Variants in HEG1 observed in about 807,000 individuals in gnomAD.
The protein encoded by HEG1 is heart development protein with EGF like domains 1.
HEG1 carries 56 observed loss-of-function variants against 125.6 expected under a neutral mutation model. The observed-to-expected ratio is 0.45, with a 90% CI of 0.36 to 0.56. HEG1 has a LOEUF of 0.56. HEG1 is among the 20% of genes least tolerant of loss of function. The pLI is 0.00. For missense variants in HEG1, 1,523 were observed against 1,670.0 expected (o/e 0.91, Z 1.53); for synonymous variants, 644 against 668.5 (o/e 0.96, Z 0.57).
chr3:125,030,651 G>A (rs1239860846), intron 1 of HEG1, among the ~76,000 whole-genome samples: 2 of 152,194 alleles, frequency 1.3e-5, no homozygotes, highest in African/African-American at 4.8e-5. Context: ...TATGCATGGA[G>A]GTAGGTAGCA....
rs1054887187 is a variant in HEG1, at chr3:125,013,043, T to G, written c.2536A>C (p.Ile846Leu). The G allele has an allele frequency of 1.2e-6, 2 of 1,613,862 alleles. No individual in the cohort carries two copies. The highest frequency in any genetic ancestry group is 1.3e-5 in the African/African-American group (1 of 74,912). ...ATAAGAGGCTGAGAGGTCTTCAGAA[T>G]GGTAGTTGTGAAAGTTGGAGACATT... Reference protein sequence around the residue: ...AQMSPTFTTTILKTSQPLMTT... With the variant: ...AQMSPTFTTTLLKTSQPLMTT... Residue 846 changes from isoleucine to leucine, a missense_variant, in exon 6 of 17, where the codon ATT becomes CTT. Physicochemically the swap from Ile to Leu is conservative, Grantham distance 5. Transcript: ENST00000311127.
At chr3:125,042,046 T>C (rs1023063344) in intron 1 of HEG1, among the ~76,000 whole-genome samples, 1 of 152,246 alleles carries the variant, frequency 6.6e-6, no homozygotes, top group Non-Finnish European at 1.5e-5. Context: ...AACATTGTGA[T>C]TGTACTCAAT....
At chr3:125,006,411 T>C (rs752339261) in intron 8 of HEG1, among the ~76,000 whole-genome samples, 4 of 152,166 alleles carry the variant, frequency 2.6e-5, no homozygotes, top group Non-Finnish European at 5.9e-5. Flanking sequence ...TCCTTTATAT[T>C]AAATGCTTAT....
At chr3:125,054,475 C>G (rs2107716746) in intron 1 of HEG1, among the ~76,000 whole-genome samples, 1 of 152,320 alleles carries the variant, frequency 6.6e-6, no homozygotes, top group Admixed American at 6.5e-5. Context: ...TTGGAGGAAG[C>G]AAGCTAATTC....
chr3:124,997,482 G>A (rs1936939047), intron 12 of HEG1, among the ~76,000 whole-genome samples: 1 of 152,178 alleles, frequency 6.6e-6, no homozygotes, highest in East Asian at 1.9e-4. Flanking sequence ...TAATTGGCCA[G>A]ACCAGCATGC....
At chr3:125,000,969 T>G (rs1193015624) in intron 11 of HEG1, among the ~76,000 whole-genome samples, 1 of 152,242 alleles carries the variant, frequency 6.6e-6, no homozygotes, top group East Asian at 1.9e-4. Context: ...AGATTCCAGT[T>G]GAGTTTTCCT....
Position 124,970,657 on chromosome 3 carries a change from A to T in HEG1, c.4141T>A (p.Phe1381Ile). 1 of 1,599,280 alleles carries T rather than the reference A, an allele frequency of 6.3e-7. No homozygotes were observed. The highest frequency in any genetic ancestry group is 8.5e-7 in the Non-Finnish European group (1 of 1,172,756). ...ISDESRRRDY[F>I] is the part of the protein sequence containing the mutation. ...AGTCCCTCTCTCTCCTGGACTTAAAAGTAGTCTCTTCTTCTGCTTTCATCA... is the reference window on the plus strand; with the variant it reads ...AGTCCCTCTCTCTCCTGGACTTAAATGTAGTCTCTTCTTCTGCTTTCATCA... Residue 1381 changes from phenylalanine (F) to isoleucine (I), a missense_variant, in exon 17 of 17, where the codon TTT (phenylalanine) becomes ATT (isoleucine). Physicochemically the swap from Phe to Ile is conservative, Grantham distance 21. Coordinates refer to ENST00000311127, the MANE Select transcript of HEG1 (RefSeq NM_020733.2).
chr3:125,012,532 C>T, intron 6 of HEG1, 91 bp downstream of exon 6: 3 of 1,283,572 alleles, frequency 2.3e-6, no homozygotes, highest in Middle Eastern at 1.9e-4. Context: ...CCAGCCATTT[C>T]TACAAATTCA....
At position 125,013,405 on chromosome 3, in the gene HEG1, G is replaced by A; in HGVS notation, c.2174C>T (p.Thr725Ile). 1 of 1,614,010 alleles carries A rather than the reference G, an allele frequency of 6.2e-7. No homozygotes were observed. The highest frequency in any genetic ancestry group is 8.5e-7 in the Non-Finnish European group (1 of 1,179,892). ...GACAGAAAGTGGGGCAGATGTAGAT[G>A]TCGTTAAGGATACTGGTAAAGGTGA... is the stretch of plus-strand genomic sequence containing the variant. ...SPSPLPVSLT[T>I]STSAPLSVSQ... The change falls in exon 6 of 17, where the codon ACA becomes ATA. Residue 725 changes from threonine (T) to isoleucine (I), a missense_variant. Physicochemically the swap from Thr to Ile is moderately conservative, Grantham distance 89 (BLOSUM62 -1). Coordinates refer to ENST00000311127, the MANE Select transcript of HEG1 (RefSeq NM_020733.2).
Position 125,055,627 on chromosome 3 carries a change from G to C in HEG1, c.264C>G (p.Gly88=). The stretch of plus-strand genomic sequence containing the variant: ...CGGAGGGTCCCCGCTGTGTCGCGGC[G>C]CCTGGCTCAGGGGCCCTGTAGCTGG... ...PGPSYRAPEP[G]AATQRGPSGR... is the part of the protein sequence containing the mutation. The change falls in exon 1 of 17, where the codon GGC becomes GGG. Residue 88 remains glycine (G), a synonymous_variant. Coordinates refer to ENST00000311127, the MANE Select transcript of HEG1 (RefSeq NM_020733.2). 2 of 1,202,100 alleles carry C rather than the reference G, an allele frequency of 1.7e-6. No homozygotes were observed. The highest frequency in any genetic ancestry group is 2.1e-6 in the Non-Finnish European group (2 of 968,602). 74.5% of individuals were successfully genotyped at this position (1,202,100 alleles called of 1,614,324 possible). A position where few individuals can be genotyped will look rare whatever the true frequency, so the allele number is the denominator to read the frequency against.
intron 12 of HEG1, among the ~76,000 whole-genome samples, chr3:124,994,740 A>G (rs556718054): frequency 3.7e-4 from 57 of 152,246 alleles, no homozygotes; most frequent in African/African-American, 1.3e-3. Context: ...TCCTGACCTC[A>G]TGATCCTCCC....
intron 5 of HEG1, 60 bp from the exon 6 acceptor site, chr3:125,014,050 C>G (rs1937205817): frequency 7.2e-7 from 1 of 1,382,768 alleles, no homozygotes; most frequent in Admixed American, 2.5e-5. Flanking sequence ...CTGAAATATG[C>G]ACTATCAAAC....
At chr3:125,048,125 C>G (rs1307273312) in intron 1 of HEG1, among the ~76,000 whole-genome samples, 1 of 152,124 alleles carries the variant, frequency 6.6e-6, no homozygotes, top group Non-Finnish European at 1.5e-5. Context: ...CCCATGCCAT[C>G]TGACCTGTAA....
chr3:124,987,952 C>CACATATATATATATATATATATATATAT, intron 14 of HEG1, among the ~76,000 whole-genome samples: 1 of 54,702 alleles, frequency 1.8e-5, no homozygotes, highest in Non-Finnish European at 4.6e-5. Context: ...CACACACACA[C>CACATATATATATATATATATATATATAT]ATATATATAT....
At chr3:124,974,190 C>T (rs1035996449) in intron 15 of HEG1, among the ~76,000 whole-genome samples, 3 of 151,884 alleles carry the variant, frequency 2.0e-5, no homozygotes, top group Non-Finnish European at 4.4e-5. Context: ...GATTTAGACT[C>T]TTCTACAGGA....
At chr3:125,033,014 G>A (rs571214905) in intron 1 of HEG1, among the ~76,000 whole-genome samples, 60 of 152,250 alleles carry the variant, frequency 3.9e-4, no homozygotes, top group South Asian at 1.5e-3. Flanking sequence ...ACTGACCTGC[G>A]CTCTCTTCCT....
intron 1 of HEG1, among the ~76,000 whole-genome samples, chr3:125,045,873 G>A (rs1937655131): frequency 6.6e-6 from 1 of 152,104 alleles, no homozygotes; most frequent in Non-Finnish European, 1.5e-5. Flanking sequence ...TTACATATAC[G>A]GAAGCAGGTA....
chr3:125,000,768 A>G (rs1020420121), intron 11 of HEG1, among the ~76,000 whole-genome samples: 1 of 152,128 alleles, frequency 6.6e-6, no homozygotes, highest in African/African-American at 2.4e-5. Context: ...GGGAATGTCA[A>G]TGTCATGGAT....
At chr3:125,055,467 C>A in intron 1 of HEG1, 108 bp downstream of exon 1, 1 of 753,600 alleles carries the variant, frequency 1.3e-6, no homozygotes, top group Middle Eastern at 5.2e-4. Context: ...GGAGCCCCCA[C>A]CCTGGGTCGC....
Sources: gnomAD v4.1 joint callset for allele counts (sites outside exome capture counted in the v4.1 genomes callset) on GRCh38, gnomAD v4.1.1 for gene constraint, MANE v1.5 for transcripts, NCBI Gene and HGNC (gene_info 2026-07-23, HGNC 2026-07-21) for gene names.